PM20D2: variants seen among roughly 807,000 people sequenced by gnomAD.
The protein encoded by PM20D2 is xaa-Arg dipeptidase.
A neutral mutation model predicts 42.9 loss-of-function variants in PM20D2; 33 were observed. That is an observed-to-expected ratio of 0.77 (90% CI 0.58 to 1.03). The LOEUF (loss-of-function observed/expected upper bound fraction) is 1.03. Among genes scored for constraint, PM20D2 ranks in the 50% least tolerant of loss-of-function variants. The pLI is 0.00. For synonymous variants in PM20D2, 250 were observed against 228.2 expected (o/e 1.10, Z -0.86); for missense variants, 548 against 557.0 (o/e 0.98, Z 0.16).
chr6:89,154,942 G>A (rs764604708), intron 4 of PM20D2, 40 bp downstream of exon 4: 20 of 1,508,856 alleles, frequency 1.3e-5, no homozygotes, highest in Non-Finnish European at 1.3e-5. Flanking sequence ...ACAATCAGAG[G>A]TATATATGTG....
the PM20D2 span, among the ~76,000 whole-genome samples, chr6:89,121,203 A>G: frequency 6.6e-6 from 1 of 152,210 alleles, no homozygotes; most frequent in Non-Finnish European, 1.5e-5. Context: ...CTTGAACTTA[A>G]AAGGTAGCTG....
At chr6:89,108,129 C>T in the PM20D2 span, among the ~76,000 whole-genome samples, 1 of 152,148 alleles carries the variant, frequency 6.6e-6, no homozygotes, top group South Asian at 2.1e-4. Flanking sequence ...GTATTTCGAG[C>T]CTGCTTATGT....
the PM20D2 span, chr6:89,105,405 T>C: frequency 6.3e-7 from 1 of 1,582,246 alleles, no homozygotes; most frequent in Non-Finnish European, 8.6e-7. Flanking sequence ...ATAAATAAAA[T>C]CTAGCATTCA....
rs560635292 is a variant in PM20D2 at position 89,154,180 on chromosome 6, T to A, written c.758-568T>A. ...GTCATAGGACATTGGATTTTTTGTA[T>A]CTATTTTAGTTATTACTTCGAATGA... On this transcript the variant is annotated intron_variant, in intron 3 of 6. Coordinates refer to ENST00000275072, the MANE Select transcript of PM20D2 (RefSeq NM_001010853.3). 5.3e-5 allele frequency among the ~76,000 whole-genome samples: 8 copies of A among 152,340 alleles called. No individual in the cohort carries two copies. In the East Asian group the frequency reaches 1.5e-3, roughly 29 times the overall value.
chr6:89,115,470 C>A, the PM20D2 span, among the ~76,000 whole-genome samples: 1 of 151,716 alleles, frequency 6.6e-6, no homozygotes, highest in Non-Finnish European at 1.5e-5. Flanking sequence ...TTAGTACAGA[C>A]GGGGTTTCAC....
intron 4 of PM20D2, among the ~76,000 whole-genome samples, chr6:89,156,547 A>C (rs1414282889): frequency 1.3e-5 from 2 of 152,226 alleles, no homozygotes; most frequent in Non-Finnish European, 2.9e-5. Context: ...TTCACGTAGT[A>C]GCAGTATCTC....
the PM20D2 span, among the ~76,000 whole-genome samples, chr6:89,136,342 T>C: frequency 6.6e-6 from 1 of 151,240 alleles, no homozygotes; most frequent in Admixed American, 6.6e-5. Context: ...CGCAAAATAT[T>C]TTCAAACATA....
At chr6:89,117,720 G>C in the PM20D2 span, 12 of 1,196,332 alleles carry the variant, frequency 1.0e-5, no homozygotes, top group Non-Finnish European at 1.3e-5. Context: ...GGGAGGCTCC[G>C]CGCAGCTCCC....
chr6:89,164,815 A>G lies in PM20D2; in HGVS notation c.*2552A>G, dbSNP rs1771356811. ...CTCTTTTACATAAATTGTTTGTGAA[A>G]AGTGTGCTCAACTTTTTTACAAGAG... On this transcript the variant is annotated 3_prime_UTR_variant, in exon 7 of 7. Transcript: ENST00000275072. 6.6e-6 allele frequency: 1 copy of G among 152,144 alleles called. No individual in the cohort carries two copies. Among genetic ancestry groups the G allele is most frequent in the Non-Finnish European group, 1.5e-5 (1 of 67,930 alleles). 9.4% of individuals were successfully genotyped at this position (152,144 alleles called of 1,614,324 possible). A position where few individuals can be genotyped will look rare whatever the true frequency, so the allele number is the denominator to read the frequency against.
chr6:89,109,579 G>A, the PM20D2 span, among the ~76,000 whole-genome samples: 2 of 152,212 alleles, frequency 1.3e-5, no homozygotes, highest in Admixed American at 6.5e-5. Flanking sequence ...TAATATAAAA[G>A]AGGAGGCTGC....
At chr6:89,139,356 T>C in the PM20D2 span, among the ~76,000 whole-genome samples, 1 of 152,190 alleles carries the variant, frequency 6.6e-6, no homozygotes, top group Non-Finnish European at 1.5e-5. Flanking sequence ...ATTACATTCC[T>C]GTGCCACCAT....
chr6:89,100,181 G>A, the PM20D2 span, among the ~76,000 whole-genome samples: 24 of 152,304 alleles, frequency 1.6e-4, no homozygotes, highest in Non-Finnish European at 3.2e-4. Flanking sequence ...GTATGGAAGA[G>A]ATTCCAAGGG....
the PM20D2 span, among the ~76,000 whole-genome samples, chr6:89,115,263 C>A: frequency 6.6e-6 from 1 of 151,762 alleles, no homozygotes; most frequent in Non-Finnish European, 1.5e-5. Flanking sequence ...ATACACCAGG[C>A]TACATTTTAT....
At chr6:89,132,242 T>C in the PM20D2 span, among the ~76,000 whole-genome samples, 1 of 152,238 alleles carries the variant, frequency 6.6e-6, no homozygotes, top group South Asian at 2.1e-4. Context: ...AGAGAGCTTA[T>C]GCAAACAACA....
At chr6:89,115,426 G>T in the PM20D2 span, among the ~76,000 whole-genome samples, 4 of 151,982 alleles carry the variant, frequency 2.6e-5, no homozygotes, top group African/African-American at 9.7e-5. Flanking sequence ...GGGATTACAG[G>T]CGCCAGCCAC....
the PM20D2 span, among the ~76,000 whole-genome samples, chr6:89,099,415 C>T: frequency 0.014 from 2,017 of 140,348 alleles, 30 homozygotes; most frequent in Non-Finnish European, 0.02. Flanking sequence ...TATATATATA[C>T]ATATATATAT....
the PM20D2 span, among the ~76,000 whole-genome samples, chr6:89,127,941 C>T: frequency 2.0e-5 from 3 of 152,114 alleles, no homozygotes; most frequent in African/African-American, 7.2e-5. Flanking sequence ...ATCCTGTTAC[C>T]TTCGTAAGCT....
chr6:89,117,654 G>A, the PM20D2 span, among the ~76,000 whole-genome samples: 5 of 152,048 alleles, frequency 3.3e-5, no homozygotes, highest in Non-Finnish European at 7.4e-5. Context: ...TCCGCCCTGG[G>A]CCGCGGAGTA....
chr6:89,140,338 G>A, the PM20D2 span, among the ~76,000 whole-genome samples: 3 of 152,216 alleles, frequency 2.0e-5, no homozygotes, highest in African/African-American at 7.2e-5. Flanking sequence ...CTTGAGGATT[G>A]TAACCCTGTG....
Sources: allele counts gnomAD v4.1 joint callset (sites outside exome capture counted in the v4.1 genomes callset), GRCh38; gene constraint gnomAD v4.1.1; transcripts MANE v1.5; gene names NCBI Gene and HGNC (gene_info 2026-07-23, HGNC 2026-07-21).